WWOX: variants seen among roughly 807,000 people sequenced by gnomAD.
The protein encoded by WWOX is WW domain containing oxidoreductase.
WWOX carries 69 observed loss-of-function variants against 46.2 expected under a neutral mutation model. The ratio of observed to expected loss-of-function variants is 1.49; its 90% CI spans 1.23 to 1.82. The LOEUF (loss-of-function observed/expected upper bound fraction) is 1.82. Among genes scored for constraint, WWOX ranks in the 40% most tolerant of loss-of-function variants. The pLI is 0.00. For synonymous variants in WWOX, 359 were observed against 202.6 expected (o/e 1.77, Z -6.56); for missense variants, 919 against 542.6 (o/e 1.69, Z -6.89).
intron 8 of WWOX, among the ~76,000 whole-genome samples, chr16:78,546,496 G>C (rs1248651141): frequency 2.0e-5 from 3 of 152,040 alleles, no homozygotes; most frequent in Non-Finnish European, 4.4e-5. Context: ...TCATATTGTG[G>C]GATTGCAATT....
chr16:78,632,765 T>A (rs531626626), intron 8 of WWOX, among the ~76,000 whole-genome samples: 1 of 151,644 alleles, frequency 6.6e-6, no homozygotes, highest in South Asian at 2.1e-4. Context: ...TCCATGTTGG[T>A]CAGACTGGTC....
chr16:78,918,142 G>C (rs1330896989), intron 8 of WWOX, among the ~76,000 whole-genome samples: 4 of 152,174 alleles, frequency 2.6e-5, no homozygotes, highest in African/African-American at 4.8e-5. Context: ...AGGATCACTT[G>C]AGCCCAGGAG....
intron 5 of WWOX, among the ~76,000 whole-genome samples, chr16:78,215,248 C>A (rs898914586): frequency 6.6e-6 from 1 of 152,122 alleles, no homozygotes; most frequent in Non-Finnish European, 1.5e-5. Context: ...CACAGTGTTT[C>A]CTCTTTGTTA....
chr16:78,911,792 G>A (rs1034701761), intron 8 of WWOX, among the ~76,000 whole-genome samples: 2 of 152,018 alleles, frequency 1.3e-5, no homozygotes, highest in African/African-American at 4.8e-5. Context: ...CTTGAACCCG[G>A]GAAGCGGAGG....
intron 5 of WWOX, among the ~76,000 whole-genome samples, chr16:78,207,696 G>A (rs1165876734): frequency 6.7e-6 from 1 of 150,254 alleles, no homozygotes; most frequent in African/African-American, 2.5e-5. Flanking sequence ...GGGATGATGA[G>A]GCTGCAGTGG....
chr16:78,321,081 G>A (rs13331203), intron 5 of WWOX, among the ~76,000 whole-genome samples: 69,348 of 151,668 alleles, frequency 0.46, 16,456 homozygotes, highest in East Asian at 0.72. Flanking sequence ...AAAACAGCCT[G>A]CTGCCTGAAC....
rs539688328 is a variant in WWOX at position 78,838,353 on chromosome 16, C to T, written c.1057-373255C>T. Among the ~76,000 whole-genome samples, 89 of 152,228 alleles carry T rather than the reference C, an allele frequency of 5.8e-4. 1 individual carries two copies. Among genetic ancestry groups the T allele is most frequent in the African/African-American group, 2.0e-3 (83 of 41,542 alleles). ...AGCTGACTTCAGAGGAGGCTTTAGGCGCTCCTGCATGTTGATTCTTAGAGA... is the reference window on the plus strand; with the variant it reads ...AGCTGACTTCAGAGGAGGCTTTAGGTGCTCCTGCATGTTGATTCTTAGAGA... On this transcript the variant is annotated intron_variant, in intron 8 of 8. Transcript: ENST00000566780.
At chr16:78,998,714 C>G (rs2047037330) in intron 8 of WWOX, among the ~76,000 whole-genome samples, 1 of 152,190 alleles carries the variant, frequency 6.6e-6, no homozygotes. Flanking sequence ...TCGTTATTAA[C>G]TGATGTTTTT....
intron 8 of WWOX, among the ~76,000 whole-genome samples, chr16:79,002,970 G>T (rs1194804084): frequency 6.6e-6 from 1 of 152,108 alleles, no homozygotes; most frequent in Non-Finnish European, 1.5e-5. Context: ...AAATGATATC[G>T]CTCAGAAAAT....
At chr16:78,263,703 T>C (rs1258706108) in intron 5 of WWOX, among the ~76,000 whole-genome samples, 1 of 152,072 alleles carries the variant, frequency 6.6e-6, no homozygotes, top group Non-Finnish European at 1.5e-5. Flanking sequence ...AATTTTTAGG[T>C]TTGTAATTAC....
At chr16:78,611,718 T>C (rs1597346315) in intron 8 of WWOX, among the ~76,000 whole-genome samples, 1 of 152,348 alleles carries the variant, frequency 6.6e-6, no homozygotes, top group East Asian at 1.9e-4. Context: ...CTCATATATT[T>C]CTCACTTATG....
chr16:78,595,365 G>C (rs957355734), intron 8 of WWOX, among the ~76,000 whole-genome samples: 79 of 149,310 alleles, frequency 5.3e-4, no homozygotes, highest in African/African-American at 1.9e-3. Flanking sequence ...TCTTCTCCTT[G>C]CTTCAACCCT....
chr16:78,561,624 T>C (rs566989495), intron 8 of WWOX, among the ~76,000 whole-genome samples: 15 of 152,068 alleles, frequency 9.9e-5, no homozygotes, highest in Middle Eastern at 3.2e-3. Flanking sequence ...ACCTGATATT[T>C]GGAGAGACTT....
chr16:78,710,675 C>T (rs1051530439), intron 8 of WWOX, among the ~76,000 whole-genome samples: 4 of 150,542 alleles, frequency 2.7e-5, no homozygotes, highest in Non-Finnish European at 4.4e-5. Flanking sequence ...AGTGCAGTGG[C>T]GTGATCATGG....
intron 8 of WWOX, among the ~76,000 whole-genome samples, chr16:79,031,936 ATACAGATATCTG>A (rs1422272425): frequency 1.8e-4 from 25 of 141,424 alleles, no homozygotes; most frequent in East Asian, 1.6e-3. Flanking sequence ...AGATATCTGT[ATACAGATATCTG>A]TATATATATA....
chr16:78,623,541 A>G (rs1392599083), intron 8 of WWOX, among the ~76,000 whole-genome samples: 2 of 152,054 alleles, frequency 1.3e-5, no homozygotes, highest in Admixed American at 6.6e-5. Flanking sequence ...TCAGCCAGGC[A>G]TGGTGGCGCA....
At chr16:78,999,247 G>A (rs575432017) in intron 8 of WWOX, among the ~76,000 whole-genome samples, 17 of 152,126 alleles carry the variant, frequency 1.1e-4, no homozygotes, top group African/African-American at 3.6e-4. Context: ...AATGCAGGCG[G>A]ATCATCTGAG....
rs1223957484 is a variant in WWOX at position 78,919,527 on chromosome 16, T to TG, written c.1057-292081_1057-292080insG. 1.2e-4 allele frequency among the ~76,000 whole-genome samples: 18 copies of TG among 149,906 alleles called. No homozygotes were observed. In the South Asian group the frequency reaches 1.9e-3, roughly 16 times the overall value. ...TTTTCTTTTATCTTTTTGTTTTGTT[T>TG]TTTTTTTTTTTGAGGGAGTCTTGCT... is the stretch of plus-strand genomic sequence containing the variant. On this transcript the variant is annotated intron_variant, in intron 8 of 8. Transcript: ENST00000566780.
At chr16:78,858,067 GT>G (rs1358513280) in intron 8 of WWOX, among the ~76,000 whole-genome samples, 2 of 151,728 alleles carry the variant, frequency 1.3e-5, no homozygotes, top group African/African-American at 2.4e-5. Context: ...TTTTTCCAAA[GT>G]TTTAAATACT....
Sources: gnomAD v4.1 joint callset for allele counts (sites outside exome capture counted in the v4.1 genomes callset) on GRCh38, gnomAD v4.1.1 for gene constraint, MANE v1.5 for transcripts, NCBI Gene and HGNC (gene_info 2026-07-23, HGNC 2026-07-21) for gene names.